Variants in IL31RA observed in about 807,000 individuals in gnomAD.
IL31RA encodes the protein interleukin-31 receptor subunit alpha.
A neutral mutation model predicts 83.7 loss-of-function variants in IL31RA; 66 were observed. The observed-to-expected ratio is 0.79, with a 90% CI of 0.65 to 0.97. The LOEUF (loss-of-function observed/expected upper bound fraction) is 0.97, where lower values mean the gene tolerates loss of function less well. Ranked by LOEUF, IL31RA falls within the 50% of genes least tolerant of loss-of-function variation. The pLI, the probability that IL31RA is intolerant of heterozygous loss-of-function variation, is 0.00. For synonymous variants in IL31RA, 325 were observed against 329.0 expected (o/e 0.99, Z 0.13); for missense variants, 798 against 919.4 (o/e 0.87, Z 1.71).
intron 1 of IL31RA, 104 bp from the exon 2 acceptor site, chr5:55,859,405 G>A: frequency 2.5e-6 from 2 of 813,428 alleles, no homozygotes; most frequent in Non-Finnish European, 4.3e-6. Flanking sequence ...AATAAAATAG[G>A]ATCCTTCCTC....
the IL31RA span, chr5:55,840,105 A>T: frequency 3.1e-6 from 1 of 326,308 alleles, no homozygotes; most frequent in Non-Finnish European, 5.9e-6. Flanking sequence ...CCACTTCTTA[A>T]TTATTTTGGT....
At chr5:55,868,746 A>T (rs1246184091) in intron 2 of IL31RA, 45 bp from the exon 3 acceptor site, 3 of 1,018,066 alleles carry the variant, frequency 2.9e-6, no homozygotes, top group Non-Finnish European at 4.7e-6. Context: ...TTTATTGTGT[A>T]CTGAAATTTT....
chr5:55,862,779 C>T (rs1379615520), intron 2 of IL31RA, among the ~76,000 whole-genome samples: 5 of 152,180 alleles, frequency 3.3e-5, no homozygotes, highest in Admixed American at 2.6e-4. Flanking sequence ...TCTCCTTGGT[C>T]TCTGCCGGTC....
At chr5:55,845,429 G>GCTCTTGTATAATAGTTT in the IL31RA span, among the ~76,000 whole-genome samples, 1 of 151,526 alleles carries the variant, frequency 6.6e-6, no homozygotes, top group African/African-American at 2.4e-5. Flanking sequence ...ATTAGGTTAG[G>GCTCTTGTATAATAGTTT]CTCTTGAGGG....
chr5:55,867,112 CATGT>C (rs771777289), intron 2 of IL31RA, among the ~76,000 whole-genome samples: 7 of 104,076 alleles, frequency 6.7e-5, no homozygotes, highest in African/African-American at 2.3e-4. Flanking sequence ...TGTGTGTGTG[CATGT>C]GTGTGTTTGT....
intron 4 of IL31RA, among the ~76,000 whole-genome samples, chr5:55,881,331 GAAA>G (rs1218215874): frequency 1.3e-5 from 2 of 150,910 alleles, no homozygotes; most frequent in African/African-American, 4.9e-5. Context: ...TAAAGAAAAA[GAAA>G]AAAAAGCTTT....
intron 1 of IL31RA, among the ~76,000 whole-genome samples, chr5:55,856,189 G>A (rs950244672): frequency 2.6e-5 from 4 of 152,170 alleles, no homozygotes; most frequent in Admixed American, 6.5e-5. Context: ...GAGCCACCAC[G>A]CCTGGCCAAC....
chr5:55,865,263 T>C (rs1172684773), intron 2 of IL31RA, among the ~76,000 whole-genome samples: 1 of 152,218 alleles, frequency 6.6e-6, no homozygotes, highest in Non-Finnish European at 1.5e-5. Flanking sequence ...GGCTTCCTCA[T>C]GGTTTTCAGC....
intron 2 of IL31RA, among the ~76,000 whole-genome samples, chr5:55,865,880 A>G (rs1287328515): frequency 6.6e-6 from 1 of 152,140 alleles, no homozygotes; most frequent in Non-Finnish European, 1.5e-5. Context: ...GTCTGAATAT[A>G]TGAGCAAGGC....
Position 55,916,955 on chromosome 5 carries a change from G to C in IL31RA, c.2130G>C (p.Gly710=). ...ACCTACGTTCGAGGATGCCAGAGGG[G>C]ACCCGCCCAGAAGCCAAAGAGCAGC... ...SQYLRSRMPE[G]TRPEAKEQLL... Residue 710 remains glycine, a synonymous_variant, in exon 15 of 15, where the codon GGG becomes GGC. Coordinates refer to ENST00000652347, the MANE Select transcript of IL31RA (RefSeq NM_139017.7). 1.2e-6 allele frequency: 2 copies of C among 1,613,894 alleles called. No homozygotes were observed. The highest frequency in any genetic ancestry group is 1.7e-5 in the Admixed American group (1 of 59,992).
the IL31RA span, among the ~76,000 whole-genome samples, chr5:55,844,748 A>G: frequency 2.1e-3 from 1 of 482 alleles, no homozygotes; most frequent in East Asian, 0.056. Context: ...CATTATGAGT[A>G]TGTTACACCT....
At chr5:55,849,996 A>G (rs1380448011), upstream of IL31RA, among the ~76,000 whole-genome samples, 1 of 152,254 alleles carries the variant, frequency 6.6e-6, no homozygotes, top group African/African-American at 2.4e-5. Context: ...TTGGATGGGT[A>G]GAGCATCCTA....
chr5:55,853,261 C>T, intron 1 of IL31RA: 1 of 1,150,046 alleles, frequency 8.7e-7, no homozygotes, highest in South Asian at 3.8e-5. Flanking sequence ...TGTTTCTGGT[C>T]TTTCAGATGA....
Position 55,922,561 on chromosome 5 carries a change from T to A in IL31RA, c.*5441T>A. 1.4e-6 allele frequency: 1 copy of A among 737,170 alleles called. No homozygotes were observed. Among genetic ancestry groups the A allele is most frequent in the Non-Finnish European group, 2.3e-6 (1 of 440,290 alleles). 45.7% of individuals were successfully genotyped at this position (737,170 alleles called of 1,614,324 possible). On this transcript the variant is annotated 3_prime_UTR_variant, in exon 15 of 15. Transcript: ENST00000652347. ...CCATCTCTGAAGACTGGGTATGTGG[T>A]CTTTTCCACACATGGACCACCTACG...
chr5:55,922,312 C>A lies in IL31RA; in HGVS notation c.*5192C>A. On this transcript the variant is annotated 3_prime_UTR_variant, in exon 15 of 15. Coordinates refer to ENST00000652347, the MANE Select transcript of IL31RA (RefSeq NM_139017.7). ...GGGGCAGGGGAGGGGCAGAACTCCA[C>A]AAGAGGGCAAAACCTGCTGTCAGCA... 1 of 1,231,110 alleles carries A rather than the reference C, an allele frequency of 8.1e-7. No homozygotes were observed. Among genetic ancestry groups the A allele is most frequent in the Non-Finnish European group, 1.2e-6 (1 of 855,358 alleles). The allele number at this position is 1,231,110 out of a possible 1,614,324, so 76.3% of individuals were successfully genotyped here.
At chr5:55,868,697 C>A in intron 2 of IL31RA, 94 bp from the exon 3 acceptor site, 1 of 833,014 alleles carries the variant, frequency 1.2e-6, no homozygotes, top group Non-Finnish European at 2.1e-6. Context: ...AGCTTTTGAT[C>A]AGCATATTTT....
rs938034779 is a variant in IL31RA at position 55,922,648 on chromosome 5, T to G, written c.*5528T>G. On this transcript the variant is annotated 3_prime_UTR_variant, in exon 15 of 15. Coordinates refer to ENST00000652347, the MANE Select transcript of IL31RA (RefSeq NM_139017.7). ...TATTAAGTAGAGTGTGAAAACATGGTTATGGTAATAGGAACAGCTTTTAAA... is the reference window on the plus strand; with the variant it reads ...TATTAAGTAGAGTGTGAAAACATGGGTATGGTAATAGGAACAGCTTTTAAA... 20 of 530,054 alleles carry G rather than the reference T, an allele frequency of 3.8e-5. No individual in the cohort carries two copies. Among genetic ancestry groups the G allele is most frequent in the Non-Finnish European group, 6.7e-5 (20 of 300,470 alleles). 32.8% of individuals were successfully genotyped at this position (530,054 alleles called of 1,614,324 possible). A position where few individuals can be genotyped will look rare whatever the true frequency, so the allele number is the denominator to read the frequency against.
At chr5:55,893,847 T>C (rs906779927) in intron 6 of IL31RA, among the ~76,000 whole-genome samples, 1 of 149,230 alleles carries the variant, frequency 6.7e-6, no homozygotes, top group Admixed American at 6.7e-5. Context: ...GGTCTCACTC[T>C]GTCACCCAGA....
chr5:55,912,459 C>G (rs894627860), intron 12 of IL31RA, among the ~76,000 whole-genome samples: 7 of 152,182 alleles, frequency 4.6e-5, no homozygotes, highest in South Asian at 4.1e-4. Context: ...ATCCTTCTCA[C>G]TATTAAGATC....
Sources: gnomAD v4.1 joint callset for allele counts (sites outside exome capture counted in the v4.1 genomes callset) on GRCh38, gnomAD v4.1.1 for gene constraint, MANE v1.5 for transcripts, NCBI Gene and HGNC (gene_info 2026-07-23, HGNC 2026-07-21) for gene names.